HCN1: variants seen among roughly 807,000 people sequenced by gnomAD.
The protein encoded by HCN1 is potassium/sodium hyperpolarization-activated cyclic nucleotide-gated channel 1.
In HCN1, 13 loss-of-function variants were observed where a neutral mutation model predicts 78.9. The ratio of observed to expected loss-of-function variants is 0.16; its 90% CI spans 0.11 to 0.26. HCN1 has a LOEUF of 0.26. Among genes scored for constraint, HCN1 ranks in the 10% least tolerant of loss-of-function variants. The pLI, the probability that HCN1 is intolerant of heterozygous loss-of-function variation, is 1.00. For synonymous variants in HCN1, 552 were observed against 455.5 expected (o/e 1.21, Z -2.70); for missense variants, 810 against 1,154.3 (o/e 0.70, Z 4.32).
At chr5:45,439,062 TC>T (rs1740620073) in intron 3 of HCN1, among the ~76,000 whole-genome samples, 1 of 152,150 alleles carries the variant, frequency 6.6e-6, no homozygotes, top group Admixed American at 6.5e-5. Context: ...CTTATAGAAC[TC>T]AAAAATATAT....
At chr5:45,395,353 C>T (rs767534764) in intron 4 of HCN1, among the ~76,000 whole-genome samples, 1 of 152,094 alleles carries the variant, frequency 6.6e-6, no homozygotes, top group Non-Finnish European at 1.5e-5. Context: ...TTCCTTACTA[C>T]GTTCTTCGTT....
chr5:45,517,540 A>AAC (rs1554030358), intron 2 of HCN1, among the ~76,000 whole-genome samples: 16 of 150,986 alleles, frequency 1.1e-4, no homozygotes, highest in Middle Eastern at 3.4e-3. Flanking sequence ...AAAAAAAAAA[A>AAC]AAAACATGAT....
intron 2 of HCN1, among the ~76,000 whole-genome samples, chr5:45,570,360 A>G (rs1743800209): frequency 6.6e-6 from 1 of 152,074 alleles, no homozygotes; most frequent in African/African-American, 2.4e-5. Flanking sequence ...GAATCTACTG[A>G]CACATTTCTT....
At chr5:45,370,880 G>T (rs1343575989) in intron 4 of HCN1, among the ~76,000 whole-genome samples, 1 of 151,946 alleles carries the variant, frequency 6.6e-6, no homozygotes, top group African/African-American at 2.4e-5. Flanking sequence ...GGAGCTAAAT[G>T]GAACATTTAA....
intron 5 of HCN1, among the ~76,000 whole-genome samples, chr5:45,346,808 C>T (rs1030696337): frequency 8.5e-5 from 13 of 152,202 alleles, no homozygotes; most frequent in African/African-American, 1.2e-4. Context: ...AGCGAGGCTG[C>T]GGGAGGGGCA....
intron 1 of HCN1, among the ~76,000 whole-genome samples, chr5:45,681,252 G>A (rs1739696402): frequency 6.6e-6 from 1 of 152,068 alleles, no homozygotes; most frequent in South Asian, 2.1e-4. Context: ...GAAGGTTTGT[G>A]TCACTTATTT....
chr5:45,661,140 A>G (rs1745927840), intron 1 of HCN1, among the ~76,000 whole-genome samples: 1 of 148,248 alleles, frequency 6.7e-6, no homozygotes. Context: ...AGAACTCAGG[A>G]TTAAGAATCT....
intron 2 of HCN1, among the ~76,000 whole-genome samples, chr5:45,462,246 T>C (rs934358965): frequency 6.6e-6 from 1 of 152,146 alleles, no homozygotes; most frequent in Non-Finnish European, 1.5e-5. Context: ...CATGAATATA[T>C]AAATGTATGT....
chr5:45,261,850 G>T lies in HCN1; in HGVS notation c.*71C>A. The T allele has an allele frequency of 1.3e-6, 2 of 1,586,046 alleles. No individual in the cohort carries two copies. The highest frequency in any genetic ancestry group is 1.7e-6 in the Non-Finnish European group (2 of 1,158,066). On this transcript the variant is annotated 3_prime_UTR_variant, in exon 8 of 8. Coordinates refer to ENST00000303230, the MANE Select transcript of HCN1 (RefSeq NM_021072.4). ...GGCTAGAGGGATCTATCAGGAGATA[G>T]AATAAAATAAGATCTGAGTATAGTC...
chr5:45,309,963 TG>T (rs1490570911), intron 5 of HCN1, among the ~76,000 whole-genome samples: 1 of 152,176 alleles, frequency 6.6e-6, no homozygotes. Flanking sequence ...TTTGTATATC[TG>T]GTAGAATTCA....
intron 2 of HCN1, among the ~76,000 whole-genome samples, chr5:45,515,512 A>G (rs539158712): frequency 5.1e-4 from 78 of 152,150 alleles, no homozygotes; most frequent in Non-Finnish European, 9.7e-4. Context: ...CTTTTATTCT[A>G]TGCAAACCAC....
chr5:45,336,943 T>A (rs982077078), intron 5 of HCN1, among the ~76,000 whole-genome samples: 3 of 151,984 alleles, frequency 2.0e-5, no homozygotes, highest in African/African-American at 7.2e-5. Context: ...CTTAACCTCC[T>A]AATATCATCA....
At chr5:45,308,047 C>T (rs932906135) in intron 5 of HCN1, among the ~76,000 whole-genome samples, 1 of 152,072 alleles carries the variant, frequency 6.6e-6, no homozygotes, top group African/African-American at 2.4e-5. Context: ...GAAGAACCCA[C>T]ATGAATGATT....
At chr5:45,674,435 T>C (rs1746223584) in intron 1 of HCN1, among the ~76,000 whole-genome samples, 1 of 151,678 alleles carries the variant, frequency 6.6e-6, no homozygotes, top group Non-Finnish European at 1.5e-5. Flanking sequence ...TCTATCTACA[T>C]ATACACAGTA....
intron 1 of HCN1, among the ~76,000 whole-genome samples, chr5:45,652,086 G>C (rs1193382405): frequency 6.6e-6 from 1 of 151,796 alleles, no homozygotes; most frequent in Non-Finnish European, 1.5e-5. Context: ...TCATGAAAAT[G>C]GTTTATTAAA....
chr5:45,695,809 C>T lies in HCN1; in HGVS notation c.285G>A (p.Gln95=). 6.2e-7 allele frequency: 1 copy of T among 1,609,970 alleles called. No individual in the cohort carries two copies. Among genetic ancestry groups the T allele is most frequent in the East Asian group, 2.2e-5 (1 of 44,776 alleles). The change falls in exon 1 of 8, where the codon CAG becomes CAA. Residue 95 remains glutamine (Q), a synonymous_variant. Transcript: ENST00000303230. ...EGPRRQYGFM[Q]RQFTSMLQPG... is the part of the protein sequence containing the mutation. ...GCTGCAGCATGGAGGTGAACTGCCT[C>T]TGCATGAAGCCGTACTGCCGCCGGG...
At chr5:45,693,296 A>T (rs1173782760) in intron 1 of HCN1, among the ~76,000 whole-genome samples, 167 of 152,184 alleles carry the variant, frequency 1.1e-3, no homozygotes, top group African/African-American at 4.0e-3. Flanking sequence ...TTCTGAATGT[A>T]AACAAGTACA....
intron 2 of HCN1, among the ~76,000 whole-genome samples, chr5:45,638,600 A>G (rs1184116586): frequency 6.6e-6 from 1 of 152,198 alleles, no homozygotes; most frequent in Non-Finnish European, 1.5e-5. Flanking sequence ...ACACCCTGTT[A>G]AAACTTTTTA....
intron 2 of HCN1, among the ~76,000 whole-genome samples, chr5:45,511,946 A>G (rs528683412): frequency 6.6e-6 from 1 of 152,222 alleles, no homozygotes; most frequent in Admixed American, 6.5e-5. Flanking sequence ...AACTATTACA[A>G]ATTAAAAGTT....
Sources: gnomAD v4.1 joint callset for allele counts (sites outside exome capture counted in the v4.1 genomes callset) on GRCh38, gnomAD v4.1.1 for gene constraint, MANE v1.5 for transcripts, NCBI Gene and HGNC (gene_info 2026-07-23, HGNC 2026-07-21) for gene names.